Variants in GALNT3 observed in about 807,000 individuals in gnomAD.
The protein encoded by GALNT3 is GalNAc transferase 3.
Under a neutral mutation model 69.8 loss-of-function variants are expected in GALNT3, and 51 were observed. The ratio of observed to expected loss-of-function variants is 0.73; its 90% CI spans 0.58 to 0.92. The LOEUF is 0.92. GALNT3 is among the 40% of genes least tolerant of loss of function. GALNT3 has a pLI of 0.00. For synonymous variants in GALNT3, 265 were observed against 248.5 expected, an observed-to-expected ratio of 1.07 and a Z score of -0.63; for missense variants, 711 against 760.0, an observed-to-expected ratio of 0.94 and a Z score of 0.76.
At chr2:165,764,684 ATGG>A (rs930577149) in intron 3 of GALNT3, among the ~76,000 whole-genome samples, 197 bp downstream of exon 3, 49 of 152,222 alleles carry the variant, frequency 3.2e-4, no homozygotes, top group African/African-American at 1.1e-3. Flanking sequence ...GTTATGAATA[ATGG>A]TGTTTCATAC....
chr2:165,762,251 C>T (rs988869838), intron 3 of GALNT3, among the ~76,000 whole-genome samples, 197 bp from the exon 4 acceptor site: 7 of 151,878 alleles, frequency 4.6e-5, no homozygotes, highest in African/African-American at 1.4e-4. Context: ...ATTATCACTA[C>T]TGTAACACAA....
intron 1 of GALNT3, among the ~76,000 whole-genome samples, chr2:165,787,033 T>C (rs921671013): frequency 6.6e-6 from 1 of 152,228 alleles, no homozygotes; most frequent in African/African-American, 2.4e-5. Context: ...TATTAATGTC[T>C]GCCTCCTTCG....
chr2:165,775,716 T>A (rs996014312), intron 1 of GALNT3, among the ~76,000 whole-genome samples: 19 of 152,160 alleles, frequency 1.2e-4, no homozygotes, highest in Non-Finnish European at 2.5e-4. Flanking sequence ...TTAATTGATG[T>A]GGGGGCAGGG....
chr2:165,752,480 T>C (rs1457642633), intron 9 of GALNT3, among the ~76,000 whole-genome samples: 2 of 152,230 alleles, frequency 1.3e-5, no homozygotes, highest in Admixed American at 6.5e-5. Flanking sequence ...CAAGCTACTT[T>C]ATAGGTTCTA....
At chr2:165,793,429 G>C (rs750928750) in intron 1 of GALNT3, among the ~76,000 whole-genome samples, 8 of 152,202 alleles carry the variant, frequency 5.3e-5, no homozygotes, top group Non-Finnish European at 8.8e-5. Flanking sequence ...AGTCGAAACA[G>C]AGAGAGAGGG....
intron 1 of GALNT3, among the ~76,000 whole-genome samples, chr2:165,792,872 A>C (rs190817176): frequency 8.9e-4 from 135 of 152,302 alleles, no homozygotes; most frequent in Admixed American, 2.5e-3. Context: ...ACAATAAAAG[A>C]AGCAACAGAT....
At position 165,748,758 on chromosome 2, in the gene GALNT3, T is replaced by C. The variant is rs1411062808; in HGVS notation, c.*23A>G. 3 of 1,595,770 alleles carry C rather than the reference T, an allele frequency of 1.9e-6. No individual in the cohort carries two copies. The highest frequency in any genetic ancestry group is 2.2e-5 in the East Asian group (1 of 44,718). ...TTTTATGAGAAAGAATATTTCCTTT[T>C]TCAACTTAATTTTAAGGAACACTTA... On this transcript the variant is annotated 3_prime_UTR_variant, in exon 11 of 11. Transcript: ENST00000392701.
Position 165,754,636 on chromosome 2 carries a change from C to T in GALNT3, c.1617G>A (p.Gly539=). The T allele has an allele frequency of 1.2e-6, 2 of 1,611,424 alleles. No individual in the cohort carries two copies. The highest frequency in any genetic ancestry group is 1.7e-6 in the Non-Finnish European group (2 of 1,177,894). Residue 539 remains glycine, a synonymous_variant, in exon 9 of 11, where the codon GGG becomes GGA. Transcript: ENST00000392701. The part of the protein sequence containing the change: ...PLIMYTCHGL[G]GNQYFEYSAQ... ...TTAATGCAGTGCTCACCTGGTTTCC[C>T]CCAAGTCCATGACATGTATACATAA...
chr2:165,786,469 C>T (rs1683223256), intron 1 of GALNT3, among the ~76,000 whole-genome samples: 1 of 152,164 alleles, frequency 6.6e-6, no homozygotes, highest in African/African-American at 2.4e-5. Context: ...GTTCATGTCG[C>T]TTTTATAAAA....
At position 165,749,934 on chromosome 2, in the gene GALNT3, A is replaced by G. The variant is rs1573993576; in HGVS notation, c.1627-40T>C. The G allele has an allele frequency of 8.2e-6, 13 of 1,592,240 alleles. No individual in the cohort carries two copies. In the East Asian group the frequency reaches 2.9e-4, roughly 36 times the overall value. ...GCACTGTTACTGACAAAAGCAACCC[A>G]TGTGCTCAGTTGCAAAATAAATAAA... On this transcript the variant is annotated intron_variant, in intron 9 of 10. Transcript: ENST00000392701.
In GALNT3 at chr2:165,748,550, C is replaced by T. The variant is rs2105397456; in HGVS notation, c.*231G>A. ...CATCATACTGTAAACATCTCTTCCC[C>T]TACATCTGGACATTTTGAAATAGTC... On this transcript the variant is annotated 3_prime_UTR_variant, in exon 11 of 11. Transcript: ENST00000392701. 1 of 524,342 alleles carries T rather than the reference C, an allele frequency of 1.9e-6. No homozygotes were observed. The highest frequency in any genetic ancestry group is 3.4e-6 in the Non-Finnish European group (1 of 291,862). The allele number at this position is 524,342 out of a possible 1,614,324, so 32.5% of individuals were successfully genotyped here.
chr2:165,747,710 G>C lies in GALNT3; in HGVS notation c.*1071C>G, dbSNP rs1688284443. ...TATCTGATGGTTTTACAAACAATAGGCGCTTAGAAATTCAGCATACAAAAT... is the reference window on the plus strand; with the variant it reads ...TATCTGATGGTTTTACAAACAATAGCCGCTTAGAAATTCAGCATACAAAAT... On this transcript the variant is annotated 3_prime_UTR_variant, in exon 11 of 11. Coordinates refer to ENST00000392701, the MANE Select transcript of GALNT3 (RefSeq NM_004482.4). 1 of 155,154 alleles carries C rather than the reference G, an allele frequency of 6.4e-6. No individual in the cohort carries two copies. The highest frequency in any genetic ancestry group is 2.1e-4 in the South Asian group (1 of 4,842). The allele number at this position is 155,154 out of a possible 1,614,324, so 9.6% of individuals were successfully genotyped here.
In GALNT3 at chr2:165,749,877, A is replaced by G; in HGVS notation, c.1644T>C (p.Ala548=). The change falls in exon 10 of 11, where the codon GCT becomes GCC. Residue 548 remains alanine, a synonymous_variant. Coordinates refer to ENST00000392701, the MANE Select transcript of GALNT3 (RefSeq NM_004482.4). The part of the protein sequence containing the change: ...LGGNQYFEYS[A]QHEIRHNIQK... ...GGATGTTGTGCCGAATTTCATGTTG[A>G]GCAGAGTATTCAAAGTACTATGGAA... is the stretch of plus-strand genomic sequence containing the variant. 1.2e-6 allele frequency: 2 copies of G among 1,613,594 alleles called. No individual in the cohort carries two copies. Among genetic ancestry groups the G allele is most frequent in the Non-Finnish European group, 1.7e-6 (2 of 1,179,592 alleles).
chr2:165,754,581 G>T (rs1221783991), intron 9 of GALNT3, 46 bp downstream of exon 9: 1 of 1,317,668 alleles, frequency 7.6e-7, no homozygotes, highest in Middle Eastern at 1.8e-4. Flanking sequence ...TCTCACTTGT[G>T]CTTGTAAATG....
intron 4 of GALNT3, among the ~76,000 whole-genome samples, chr2:165,760,350 G>A (rs1025729145): frequency 4.6e-5 from 7 of 152,184 alleles, no homozygotes; most frequent in Non-Finnish European, 1.5e-5. Context: ...GAGGGCCAAG[G>A]AGTTTCATGT....
At chr2:165,761,667 A>G in intron 4 of GALNT3, 3 of 700,260 alleles carry the variant, frequency 4.3e-6, no homozygotes, top group Non-Finnish European at 7.9e-6. Context: ...TAGTAACTGG[A>G]GAACACTGAA....
Position 165,748,230 on chromosome 2 carries a change from T to C in GALNT3, c.*551A>G, listed in dbSNP as rs1688294288. ...ATACTCTTCTCCTTATTCAGTTTCATGTTTAAGGAAACATTTGACAGACAA... is the reference window on the plus strand; with the variant it reads ...ATACTCTTCTCCTTATTCAGTTTCACGTTTAAGGAAACATTTGACAGACAA... On this transcript the variant is annotated 3_prime_UTR_variant, in exon 11 of 11. Coordinates refer to ENST00000392701, the MANE Select transcript of GALNT3 (RefSeq NM_004482.4). The C allele has an allele frequency of 4.9e-6, 1 of 202,864 alleles. No homozygotes were observed. Among genetic ancestry groups the C allele is most frequent in the South Asian group, 1.9e-4 (1 of 5,320 alleles). 12.6% of individuals were successfully genotyped at this position (202,864 alleles called of 1,614,324 possible).
At position 165,770,517 on chromosome 2, in the gene GALNT3, T is replaced by C. The variant is rs779436290; in HGVS notation, c.184A>G (p.Met62Val). 1.2e-6 allele frequency: 2 copies of C among 1,614,174 alleles called. No homozygotes were observed. The highest frequency in any genetic ancestry group is 1.7e-5 in the Admixed American group (1 of 60,026). The change falls in exon 2 of 11, where the codon ATG becomes GTG. Residue 62 changes from methionine (M) to valine (V), a missense_variant. By Grantham distance (21) the Met-to-Val change is conservative (BLOSUM62 1). Coordinates refer to ENST00000392701, the MANE Select transcript of GALNT3 (RefSeq NM_004482.4). ...ACAGCTTCTAGCATTAAATCCAACA[T>C]CTTGTTTTTGTTTTTCATGTTCCTT... ...MERNMKNKNK[M>V]LDLMLEAVNN...
At chr2:165,758,514 C>A in intron 6 of GALNT3, 2 of 373,622 alleles carry the variant, frequency 5.4e-6, no homozygotes, top group East Asian at 1.0e-4. Flanking sequence ...ATTGGTGTTA[C>A]TGCCTGGACA....
Sources: allele counts gnomAD v4.1 joint callset (sites outside exome capture counted in the v4.1 genomes callset), GRCh38; gene constraint gnomAD v4.1.1; transcripts MANE v1.5; gene names NCBI Gene and HGNC (gene_info 2026-07-23, HGNC 2026-07-21).